The following PDE8B variants were observed in gnomAD, a reference collection of about 807,000 sequenced individuals.
The protein encoded by PDE8B is phosphodiesterase 8B, also known as high affinity cAMP-specific and IBMX-insensitive 3',5'-cyclic phosphodiesterase 8B.
In PDE8B, 26 loss-of-function variants were observed where a neutral mutation model predicts 101.3. That is an observed-to-expected ratio of 0.26 (90% CI 0.19 to 0.36). The LOEUF is 0.36. Ranked by LOEUF, PDE8B falls within the 10% of genes least tolerant of loss-of-function variation. PDE8B has a pLI of 1.00. For synonymous variants in PDE8B, 424 were observed against 429.3 expected (o/e 0.99, Z 0.15); for missense variants, 810 against 1,163.1 (o/e 0.70, Z 4.42).
At chr5:77,228,822 A>G (rs1421382481) in intron 1 of PDE8B, among the ~76,000 whole-genome samples, 1 of 152,204 alleles carries the variant, frequency 6.6e-6, no homozygotes, top group African/African-American at 2.4e-5. Context: ...TGGTTTCATT[A>G]GTATGGAAGA....
chr5:77,093,470 C>G, the PDE8B span, among the ~76,000 whole-genome samples: 2 of 152,104 alleles, frequency 1.3e-5, no homozygotes, highest in Admixed American at 6.5e-5. Context: ...TGTGCTTTTA[C>G]TAAACTTTGT....
At chr5:77,241,843 A>G (rs765750365) in intron 1 of PDE8B, among the ~76,000 whole-genome samples, 1 of 152,250 alleles carries the variant, frequency 6.6e-6, no homozygotes, top group Non-Finnish European at 1.5e-5. Context: ...TTTTAAAGTT[A>G]TCATTTTAAG....
At chr5:77,089,218 A>G in the PDE8B span, 2 of 152,264 alleles carry the variant, frequency 1.3e-5, no homozygotes, top group African/African-American at 2.4e-5. Flanking sequence ...CTCCTGTCAC[A>G]TCAGCTGGGG....
the PDE8B span, among the ~76,000 whole-genome samples, chr5:77,093,400 CT>C: frequency 1.3e-5 from 2 of 151,938 alleles, no homozygotes; most frequent in Admixed American, 6.6e-5. Context: ...ATTTTTTATA[CT>C]TTTTTTTATT....
the PDE8B span, among the ~76,000 whole-genome samples, chr5:77,121,918 C>T: frequency 6.6e-6 from 1 of 152,190 alleles, no homozygotes; most frequent in Admixed American, 6.5e-5. Flanking sequence ...TTGTGCTCTG[C>T]ATTAAGTCCA....
At chr5:77,109,409 T>C in the PDE8B span, among the ~76,000 whole-genome samples, 1 of 152,256 alleles carries the variant, frequency 6.6e-6, no homozygotes, top group Non-Finnish European at 1.5e-5. Context: ...TTAAAAATGT[T>C]CTAAAGTAAA....
At chr5:77,328,617 A>G (rs964532676) in intron 3 of PDE8B, among the ~76,000 whole-genome samples, 1 of 152,222 alleles carries the variant, frequency 6.6e-6, no homozygotes, top group African/African-American at 2.4e-5. Flanking sequence ...AAAAAAGATC[A>G]AACCCAGTGA....
At chr5:77,334,489 T>G (rs1285099695) in intron 5 of PDE8B, among the ~76,000 whole-genome samples, 2 of 152,214 alleles carry the variant, frequency 1.3e-5, no homozygotes, top group Non-Finnish European at 2.9e-5. Context: ...ATTTAACAAG[T>G]GTTTATGGAG....
chr5:77,424,440 G>A (rs533809534), intron 20 of PDE8B, among the ~76,000 whole-genome samples: 105 of 152,284 alleles, frequency 6.9e-4, no homozygotes, highest in Admixed American at 4.0e-3. Flanking sequence ...CAGGAAATGC[G>A]GATCCTAATA....
intron 10 of PDE8B, among the ~76,000 whole-genome samples, chr5:77,387,941 T>G (rs1789080827): frequency 6.6e-6 from 1 of 152,170 alleles, no homozygotes; most frequent in South Asian, 2.1e-4. Context: ...ATTTATGTTC[T>G]TCTCTAAACT....
At chr5:77,300,847 A>T (rs1473064303) in intron 1 of PDE8B, among the ~76,000 whole-genome samples, 1 of 152,214 alleles carries the variant, frequency 6.6e-6, no homozygotes, top group Non-Finnish European at 1.5e-5. Flanking sequence ...GGTGCTTTTT[A>T]TCAATAACTG....
At chr5:77,355,529 C>T (rs10043551) in intron 10 of PDE8B, among the ~76,000 whole-genome samples, 10,931 of 152,144 alleles carry the variant, frequency 0.072, 599 homozygotes, top group South Asian at 0.14. Context: ...CAAGGTGTGA[C>T]GTGGTAAGCC....
At chr5:77,118,245 C>A in the PDE8B span, 4 of 396,080 alleles carry the variant, frequency 1.0e-5, no homozygotes, top group Middle Eastern at 6.3e-4. Flanking sequence ...CCACGCCTAG[C>A]CTAAGGTTTT....
intron 1 of PDE8B, among the ~76,000 whole-genome samples, chr5:77,219,757 A>G (rs1170693319): frequency 6.6e-6 from 1 of 152,224 alleles, no homozygotes; most frequent in Non-Finnish European, 1.5e-5. Context: ...GGTCTCTGCA[A>G]GGAAACAAAA....
At chr5:77,373,816 A>G (rs1785531208) in intron 10 of PDE8B, among the ~76,000 whole-genome samples, 1 of 152,108 alleles carries the variant, frequency 6.6e-6, no homozygotes, top group South Asian at 2.1e-4. Flanking sequence ...CCTTTTTATC[A>G]TTATAAAATG....
chr5:77,190,268 G>A, the PDE8B span, among the ~76,000 whole-genome samples: 10 of 152,188 alleles, frequency 6.6e-5, no homozygotes, highest in Non-Finnish European at 1.5e-4. Context: ...GTCCTTGACT[G>A]CAACAGTTTA....
intron 1 of PDE8B, among the ~76,000 whole-genome samples, chr5:77,273,958 G>C (rs1261163311): frequency 6.6e-6 from 1 of 151,998 alleles, no homozygotes; most frequent in Non-Finnish European, 1.5e-5. Context: ...GAGTAGCTAG[G>C]ATTACAGACA....
chr5:77,224,302 G>C (rs1306057265), intron 1 of PDE8B, among the ~76,000 whole-genome samples: 2 of 151,946 alleles, frequency 1.3e-5, no homozygotes, highest in African/African-American at 4.8e-5. Context: ...GCTTATTATT[G>C]ATAATAATAT....
intron 20 of PDE8B, among the ~76,000 whole-genome samples, chr5:77,424,950 A>G (rs1019243315): frequency 2.6e-5 from 4 of 151,988 alleles, no homozygotes; most frequent in Admixed American, 6.6e-5. Context: ...TTGACCTCCC[A>G]TATCACTGGG....
Sources: allele counts gnomAD v4.1 joint callset (sites outside exome capture counted in the v4.1 genomes callset), GRCh38; gene constraint gnomAD v4.1.1; transcripts MANE v1.5; gene names NCBI Gene and HGNC (gene_info 2026-07-23, HGNC 2026-07-21).